RFC3: variants seen among roughly 807,000 people sequenced by gnomAD.
The protein encoded by RFC3 is replication factor C subunit 3, also known as A1 38 kDa subunit.
RFC3 carries 41 observed loss-of-function variants against 45.1 expected under a neutral mutation model. The ratio of observed to expected loss-of-function variants is 0.91; its 90% CI spans 0.71 to 1.18. The LOEUF (loss-of-function observed/expected upper bound fraction) is 1.18, where lower values mean the gene tolerates loss of function less well. Ranked by LOEUF, RFC3 falls within the 50% of genes most tolerant of loss-of-function variation. RFC3 has a pLI of 0.00. For synonymous variants in RFC3, 149 were observed against 144.0 expected, an observed-to-expected ratio of 1.03 and a Z score of -0.25; for missense variants, 423 against 428.1, an observed-to-expected ratio of 0.99 and a Z score of 0.10.
At chr13:33,877,714 TATATATA>T (rs1309362580) in intron 8 of RFC3, among the ~76,000 whole-genome samples, 6 of 148,522 alleles carry the variant, frequency 4.0e-5, no homozygotes, top group Admixed American at 2.0e-4. Context: ...AAAATAAGTT[TATATATA>T]ATATATAATA....
At chr13:33,893,107 C>A (rs1273655629) in intron 8 of RFC3, among the ~76,000 whole-genome samples, 1 of 152,112 alleles carries the variant, frequency 6.6e-6, no homozygotes, top group African/African-American at 2.4e-5. Context: ...CCATCCCCAG[C>A]CCTGGAAACT....
rs761597328 is a variant in RFC3 at position 33,919,052 on chromosome 13, G to GAA, written c.880-47034_880-47033insAA. The stretch of plus-strand genomic sequence containing the variant: ...CTTGTCCGTTCTTCTTTATTCTATA[G>GAA]AGTAATTGATTTGGGTTGATGGTAA... On this transcript the variant is annotated intron_variant, in intron 8 of 8. Transcript: ENST00000434425. 7.4e-3 allele frequency among the ~76,000 whole-genome samples: 1,122 copies of GAA among 151,308 alleles called. 9 individuals carry two copies. Among genetic ancestry groups the GAA allele is most frequent in the Non-Finnish European group, 0.013 (870 of 67,800 alleles).
At chr13:33,834,298 G>GTGTATATATATATATATATATA (rs1302839326) in intron 7 of RFC3, among the ~76,000 whole-genome samples, 21 of 109,186 alleles carry the variant, frequency 1.9e-4, no homozygotes, top group African/African-American at 8.7e-4. Context: ...TGTACTGTGT[G>GTGTATATATATATATATATATA]TATATATATA....
At chr13:33,957,922 G>A (rs948430328) in intron 8 of RFC3, among the ~76,000 whole-genome samples, 1 of 152,190 alleles carries the variant, frequency 6.6e-6, no homozygotes, top group Non-Finnish European at 1.5e-5. Flanking sequence ...ACCATACTCT[G>A]CTGTAGGAAA....
At chr13:33,941,262 C>T (rs1566036776) in intron 8 of RFC3, among the ~76,000 whole-genome samples, 1 of 151,784 alleles carries the variant, frequency 6.6e-6, no homozygotes, top group African/African-American at 2.4e-5. Context: ...TTGCCCAATA[C>T]ATTCCTCTCT....
At chr13:33,896,090 C>G (rs905367357) in intron 8 of RFC3, among the ~76,000 whole-genome samples, 4 of 151,908 alleles carry the variant, frequency 2.6e-5, no homozygotes, top group Non-Finnish European at 5.9e-5. Flanking sequence ...TCACTTTAAT[C>G]TCTAACTTCG....
intron 3 of RFC3, among the ~76,000 whole-genome samples, chr13:33,825,172 T>C (rs2082037726): frequency 6.6e-6 from 1 of 152,196 alleles, no homozygotes; most frequent in African/African-American, 2.4e-5. Context: ...TGAGAGGTCT[T>C]TGACTGAAGT....
chr13:33,832,455 A>G (rs778450552), intron 7 of RFC3, among the ~76,000 whole-genome samples: 2 of 152,210 alleles, frequency 1.3e-5, no homozygotes, highest in African/African-American at 4.8e-5. Context: ...CTTCAAAGGT[A>G]TTGTAACATG....
chr13:33,898,833 A>C (rs1420372285), intron 8 of RFC3, among the ~76,000 whole-genome samples: 1 of 151,888 alleles, frequency 6.6e-6, no homozygotes, highest in African/African-American at 2.4e-5. Context: ...GAGACCTCAG[A>C]AATACACAAA....
intron 8 of RFC3, among the ~76,000 whole-genome samples, chr13:33,867,272 A>G (rs1014936876): frequency 3.9e-5 from 6 of 152,200 alleles, no homozygotes; most frequent in African/African-American, 9.7e-5. Flanking sequence ...TCTTTCTTCC[A>G]TACTCAGAGA....
Position 33,953,040 on chromosome 13 carries a change from A to G in RFC3, c.880-13047A>G, listed in dbSNP as rs185282860. ...GACTGTGTAGAATAAACATGCATAC[A>G]GTTGTCTTTGAAGTCGTTAGCTCAC... On this transcript the variant is annotated intron_variant, in intron 8 of 8. Transcript: ENST00000434425. Among the ~76,000 whole-genome samples the G allele has an allele frequency of 3.5e-3, 532 of 152,264 alleles. 3 individuals are homozygous for G. Among genetic ancestry groups the G allele is most frequent in the African/African-American group, 0.012 (500 of 41,556 alleles).
chr13:33,869,045 C>T (rs1168770788), intron 8 of RFC3, among the ~76,000 whole-genome samples: 2 of 152,160 alleles, frequency 1.3e-5, no homozygotes, highest in African/African-American at 4.8e-5. Flanking sequence ...ATCCTGGAGG[C>T]AAGAACAGGA....
At chr13:33,820,398 G>T (rs1020861261) in intron 1 of RFC3, among the ~76,000 whole-genome samples, 5 of 152,192 alleles carry the variant, frequency 3.3e-5, no homozygotes, top group African/African-American at 1.2e-4. Flanking sequence ...TTCTAAGCAG[G>T]CTTCAAGAAA....
At chr13:33,855,197 G>A (rs1036821056) in intron 8 of RFC3, among the ~76,000 whole-genome samples, 1 of 152,162 alleles carries the variant, frequency 6.6e-6, no homozygotes, top group African/African-American at 2.4e-5. Context: ...AAGTCTCCCA[G>A]TTTGAGAACT....
intron 8 of RFC3, among the ~76,000 whole-genome samples, chr13:33,883,034 C>T (rs2082495465): frequency 6.6e-6 from 1 of 152,168 alleles, no homozygotes; most frequent in African/African-American, 2.4e-5. Flanking sequence ...ATGTGAGTTA[C>T]TTCTAACTTT....
chr13:33,976,379 G>C, the RFC3 span, among the ~76,000 whole-genome samples: 2 of 152,140 alleles, frequency 1.3e-5, no homozygotes, highest in Non-Finnish European at 1.5e-5. Flanking sequence ...TCTCATGGAA[G>C]CAGAGGGTAG....
chr13:33,848,041 A>G (rs2082251074), intron 8 of RFC3: 1 of 152,196 alleles, frequency 6.6e-6, no homozygotes, highest in South Asian at 2.1e-4. Flanking sequence ...AAGGCTTTAT[A>G]TACCATCTAT....
rs572558623 is a variant in RFC3 at position 33,845,664 on chromosome 13, C to A, written c.879+10447C>A. On this transcript the variant is annotated intron_variant, in intron 8 of 8. Transcript: ENST00000434425. Reference sequence around the variant, plus strand: ...TTTGTTACATTTATCTAATAGGACTCTGACTTGCTTCTCTATGTTATCTTG... The same window carrying A: ...TTTGTTACATTTATCTAATAGGACTATGACTTGCTTCTCTATGTTATCTTG... Among the ~76,000 whole-genome samples the A allele has an allele frequency of 8.5e-5, 13 of 152,302 alleles. 1 individual carries two copies. The East Asian group carries it at 2.5e-3, about 29-fold the overall frequency.
chr13:33,936,300 G>A (rs1171210521), intron 8 of RFC3, among the ~76,000 whole-genome samples: 1 of 152,034 alleles, frequency 6.6e-6, no homozygotes, highest in African/African-American at 2.4e-5. Context: ...CCCCTAGATT[G>A]GACTTAGAGG....
Sources: gnomAD v4.1 joint callset for allele counts (sites outside exome capture counted in the v4.1 genomes callset) on GRCh38, gnomAD v4.1.1 for gene constraint, MANE v1.5 for transcripts, NCBI Gene and HGNC (gene_info 2026-07-23, HGNC 2026-07-21) for gene names.